Variants in GHR observed in about 807,000 individuals in gnomAD.
GHR encodes growth hormone receptor.
Under a neutral mutation model 67.1 loss-of-function variants are expected in GHR, and 35 were observed. That is an observed-to-expected ratio of 0.52 (90% CI 0.40 to 0.69). The LOEUF is 0.69. Among genes scored for constraint, GHR ranks in the 30% least tolerant of loss-of-function variants. The pLI, the probability that GHR is intolerant of heterozygous loss-of-function variation, is 0.00. For missense variants in GHR, 792 were observed against 764.6 expected, an observed-to-expected ratio of 1.04 and a Z score of -0.42; for synonymous variants, 272 against 269.1, an observed-to-expected ratio of 1.01 and a Z score of -0.10.
chr5:42,588,526 C>CAAAAAAAAA (rs10716908), intron 2 of GHR, among the ~76,000 whole-genome samples: 2 of 45,120 alleles, frequency 4.4e-5, no homozygotes, highest in African/African-American at 7.9e-5. Context: ...AACTCCATCT[C>CAAAAAAAAA]AAAAAAAAAA....
At chr5:42,699,178 G>A (rs1037183538) in intron 5 of GHR, among the ~76,000 whole-genome samples, 5 of 152,214 alleles carry the variant, frequency 3.3e-5, no homozygotes, top group African/African-American at 1.2e-4. Context: ...AGAGTGTGCA[G>A]GAAGATTGTA....
intron 6 of GHR, among the ~76,000 whole-genome samples, chr5:42,704,785 T>C (rs1758095821): frequency 6.6e-6 from 1 of 152,044 alleles, no homozygotes; most frequent in Non-Finnish European, 1.5e-5. Context: ...AGGAATTTAT[T>C]CATTTCTCAT....
chr5:42,718,754 G>T lies in GHR; in HGVS notation c.1247G>T (p.Arg416Met), dbSNP rs755818203. Residue 416 changes from arginine (R) to methionine (M), a missense_variant, in exon 10 of 10, where the codon AGG (arginine) becomes ATG (methionine). Arg to Met is a moderately conservative substitution (Grantham distance 91). Transcript: ENST00000230882. ...ACCTCAGAGGTTGCTCAGCCACAGA[G>T]GTTAAAAGGGGAAGCAGATCTCTTA... is the stretch of plus-strand genomic sequence containing the variant. ...EGTSEVAQPQ[R>M]LKGEADLLCL... is the part of the protein sequence containing the mutation. 3 of 1,614,004 alleles carry T rather than the reference G, an allele frequency of 1.9e-6. No homozygotes were observed. Among genetic ancestry groups the T allele is most frequent in the South Asian group, 1.1e-5 (1 of 91,076 alleles).
intron 6 of GHR, among the ~76,000 whole-genome samples, 188 bp downstream of exon 6, chr5:42,700,190 C>CT (rs1311993792): frequency 6.6e-6 from 1 of 152,098 alleles, no homozygotes; most frequent in African/African-American, 2.4e-5. Context: ...ACAGGAGATG[C>CT]TTATGTATAT....
chr5:42,464,686 G>C (rs114692998), intron 1 of GHR, among the ~76,000 whole-genome samples: 34 of 152,274 alleles, frequency 2.2e-4, no homozygotes, highest in African/African-American at 7.9e-4. Context: ...AGATTGAAGA[G>C]AGTTTAACTA....
chr5:42,427,878 T>C (rs1605848), intron 1 of GHR, among the ~76,000 whole-genome samples: 127,653 of 152,194 alleles, frequency 0.84, 53,712 homozygotes, highest in East Asian at 1. Context: ...CTTAAAGTTC[T>C]GAAATGAACT....
intron 1 of GHR, among the ~76,000 whole-genome samples, chr5:42,512,962 A>C (rs1441653742): frequency 6.6e-6 from 1 of 152,162 alleles, no homozygotes; most frequent in Non-Finnish European, 1.5e-5. Flanking sequence ...TGATGTCCTG[A>C]ACTTATGGCT....
intron 7 of GHR, among the ~76,000 whole-genome samples, chr5:42,712,041 A>G (rs1758486644): frequency 6.6e-6 from 1 of 152,136 alleles, no homozygotes; most frequent in Non-Finnish European, 1.5e-5. Context: ...AATAAAGAAA[A>G]CTGATTAATG....
At chr5:42,701,223 T>C (rs919149704) in intron 6 of GHR, among the ~76,000 whole-genome samples, 12 of 152,128 alleles carry the variant, frequency 7.9e-5, no homozygotes, top group Non-Finnish European at 1.2e-4. Flanking sequence ...GCTGGCACCT[T>C]AGCATGAAGC....
intron 1 of GHR, among the ~76,000 whole-genome samples, chr5:42,438,543 C>T (rs1360056646): frequency 6.6e-6 from 1 of 152,150 alleles, no homozygotes; most frequent in African/African-American, 2.4e-5. Context: ...TCTCTTATAC[C>T]TATTGGGCAT....
intron 2 of GHR, among the ~76,000 whole-genome samples, chr5:42,590,513 G>A (rs1751719647): frequency 6.6e-6 from 1 of 152,142 alleles, no homozygotes; most frequent in Non-Finnish European, 1.5e-5. Context: ...TCAAGAAAAT[G>A]GAAACACCAT....
chr5:42,442,329 A>G (rs1743614280), intron 1 of GHR, among the ~76,000 whole-genome samples: 1 of 152,228 alleles, frequency 6.6e-6, no homozygotes, highest in Admixed American at 6.5e-5. Flanking sequence ...TACTGTTAGA[A>G]TTATTATAAA....
At chr5:42,687,520 A>G (rs1757218238) in intron 3 of GHR, among the ~76,000 whole-genome samples, 1 of 152,224 alleles carries the variant, frequency 6.6e-6, no homozygotes, top group Non-Finnish European at 1.5e-5. Context: ...CCTAGAACAC[A>G]GCCTGGTACA....
intron 1 of GHR, among the ~76,000 whole-genome samples, chr5:42,457,511 T>C (rs886231104): frequency 2.6e-5 from 4 of 152,214 alleles, no homozygotes; most frequent in Non-Finnish European, 5.9e-5. Context: ...TGTTATTATT[T>C]CCTGGTTTAT....
chr5:42,717,115 C>T (rs1290302034), intron 8 of GHR, among the ~76,000 whole-genome samples: 1 of 152,034 alleles, frequency 6.6e-6, no homozygotes, highest in Non-Finnish European at 1.5e-5. Flanking sequence ...CCAGACAGCT[C>T]GGGCAATGAC....
At chr5:42,653,894 C>T (rs1195547020) in intron 3 of GHR, among the ~76,000 whole-genome samples, 1 of 152,178 alleles carries the variant, frequency 6.6e-6, no homozygotes, top group Non-Finnish European at 1.5e-5. Context: ...TGACCTACAA[C>T]TTCAAGGGTA....
At position 42,424,887 on chromosome 5, in the gene GHR, A is replaced by G; in HGVS notation, c.-12+932A>G. ...TGGCGCGGACTGTGTGTCCTGAATGAGTGTACGTGTGCGCTGTGTGTGCGC... is the reference window on the plus strand; with the variant it reads ...TGGCGCGGACTGTGTGTCCTGAATGGGTGTACGTGTGCGCTGTGTGTGCGC... On this transcript the variant is annotated intron_variant, in intron 1 of 9. Transcript: ENST00000230882. The surrounding 1 kb of genome is among the most constrained non-coding windows in gnomAD (Gnocchi z 4.1). 4.1e-6 allele frequency: 2 copies of G among 492,310 alleles called. 1 individual carries two copies. The highest frequency in any genetic ancestry group is 1.7e-4 in the South Asian group (2 of 11,446). The allele number at this position is 492,310 out of a possible 1,614,324, so 30.5% of individuals were successfully genotyped here.
intron 6 of GHR, among the ~76,000 whole-genome samples, chr5:42,710,772 A>T (rs1378061230): frequency 6.6e-6 from 1 of 152,184 alleles, no homozygotes; most frequent in Non-Finnish European, 1.5e-5. Flanking sequence ...TCAAACACTG[A>T]TATACAACTT....
intron 3 of GHR, among the ~76,000 whole-genome samples, chr5:42,679,215 T>G (rs1756733383): frequency 6.8e-6 from 1 of 146,186 alleles, no homozygotes; most frequent in Non-Finnish European, 1.5e-5. Flanking sequence ...CTATTATTAA[T>G]ATTTTAAATA....
Sources: allele counts gnomAD v4.1 joint callset (sites outside exome capture counted in the v4.1 genomes callset), GRCh38; gene constraint gnomAD v4.1.1; non-coding constraint Gnocchi (gnomAD v3.1); transcripts MANE v1.5; gene names NCBI Gene and HGNC (gene_info 2026-07-23, HGNC 2026-07-21).